Variants in SEPTIN9 observed in about 807,000 individuals in gnomAD.
The protein encoded by SEPTIN9 is septin 9.
SEPTIN9 carries 13 observed loss-of-function variants against 56.6 expected under a neutral mutation model. That is an observed-to-expected ratio of 0.23 (90% CI 0.15 to 0.37). The LOEUF is 0.37. Among genes scored for constraint, SEPTIN9 ranks in the 10% least tolerant of loss-of-function variants. SEPTIN9 has a pLI of 1.00. For synonymous variants in SEPTIN9, 332 were observed against 334.1 expected (o/e 0.99, Z 0.07); for missense variants, 650 against 823.1 (o/e 0.79, Z 2.57).
intron 11 of SEPTIN9, chr17:77,497,708 C>G (rs2143477527): frequency 2.3e-6 from 1 of 425,920 alleles, no homozygotes; most frequent in South Asian, 2.3e-5. Context: ...CGTGGGGCGT[C>G]TCCAGCTCCG....
At chr17:77,362,429 T>C (rs1598255087) in intron 2 of SEPTIN9, among the ~76,000 whole-genome samples, 1 of 152,272 alleles carries the variant, frequency 6.6e-6, no homozygotes, top group South Asian at 2.1e-4. Flanking sequence ...GCAGGACTGC[T>C]GGGGCAAGGG....
chr17:77,490,693 C>T (rs116189645), intron 7 of SEPTIN9, 49 bp from the exon 8 acceptor site: 2 of 1,409,698 alleles, frequency 1.4e-6, no homozygotes, highest in African/African-American at 2.8e-5. Flanking sequence ...GGTGCCCCCC[C>T]ACTGCCCCGC....
rs1034265396 is a variant in SEPTIN9, at chr17:77,481,946, T to C, written c.722-198T>C. ...CTGGGGAGGCAGCGTGGCTGCAGGA[T>C]GGCAGCTTTTTAGAGGACACCACGG... On this transcript the variant is annotated intron_variant, in intron 3 of 11. Transcript: ENST00000427177. 5.0e-5 allele frequency: 30 copies of C among 600,450 alleles called. No individual in the cohort carries two copies. The Admixed American group carries it at 8.6e-4, about 17-fold the overall frequency. 37.2% of individuals were successfully genotyped at this position (600,450 alleles called of 1,614,324 possible). A position where few individuals can be genotyped will look rare whatever the true frequency, so the allele number is the denominator to read the frequency against.
At position 77,382,824 on chromosome 17, in the gene SEPTIN9, GGCAAAGGCGAGGGAGGAGGGTGGAA is replaced by G. The variant is rs1456701722; in HGVS notation, c.77-19225_77-19201del. The stretch of plus-strand genomic sequence containing the variant: ...TACTGTGCAGAGGGAGGAGGGTGGA[GGCAAAGGCGAGGGAGGAGGGTGGAA>G]GCAAAGGCGGGGTCCCTCCCTAGCC... On this transcript the variant is annotated intron_variant, in intron 2 of 11. Coordinates refer to ENST00000427177, the MANE Select transcript of SEPTIN9 (RefSeq NM_001113491.2). Among the ~76,000 whole-genome samples, 5 of 152,228 alleles carry G rather than the reference GGCAAAGGCGAGGGAGGAGGGTGGAA, an allele frequency of 3.3e-5. No homozygotes were observed. In the East Asian group the frequency reaches 5.8e-4, roughly 18 times the overall value.
At position 77,450,510 on chromosome 17, in the gene SEPTIN9, C is replaced by T. The variant is rs1437051762; in HGVS notation, c.722-31634C>T. On this transcript the variant is annotated intron_variant, in intron 3 of 11. Coordinates refer to ENST00000427177, the MANE Select transcript of SEPTIN9 (RefSeq NM_001113491.2). The surrounding 1 kb of genome is among the most constrained non-coding windows in gnomAD (Gnocchi z 6.0). The stretch of plus-strand genomic sequence containing the variant: ...CTCTCTCCTAGTGTGGGAGTGGCCA[C>T]GCCCCTGCTGGGAGTGACTCACTTG... 2.3e-5 allele frequency: 23 copies of T among 985,348 alleles called. No homozygotes were observed. The highest frequency in any genetic ancestry group is 7.0e-5 in the African/African-American group (4 of 57,226). 61.0% of individuals were successfully genotyped at this position (985,348 alleles called of 1,614,324 possible).
chr17:77,494,566 G>A (rs999244524), intron 10 of SEPTIN9, among the ~76,000 whole-genome samples: 1 of 152,166 alleles, frequency 6.6e-6, no homozygotes, highest in African/African-American at 2.4e-5. Flanking sequence ...GAGCTTTTTG[G>A]GAAGCTGTTG....
In SEPTIN9 at chr17:77,347,560, G is replaced by A. The variant is rs544166586; in HGVS notation, c.76+40363G>A. Reference sequence around the variant, plus strand: ...CATGATGAATGTATTCCTTTATCTCGTAATAATTTTATCTTGGACTCAACT... The same window carrying A: ...CATGATGAATGTATTCCTTTATCTCATAATAATTTTATCTTGGACTCAACT... On this transcript the variant is annotated intron_variant, in intron 2 of 11. Transcript: ENST00000427177. Among the ~76,000 whole-genome samples the A allele has an allele frequency of 7.9e-5, 12 of 151,640 alleles. No homozygotes were observed. In the South Asian group the frequency reaches 2.1e-3, roughly 27 times the overall value.
At chr17:77,472,093 G>T (rs1598428351) in intron 3 of SEPTIN9, among the ~76,000 whole-genome samples, 1 of 152,284 alleles carries the variant, frequency 6.6e-6, no homozygotes, top group East Asian at 1.9e-4. Flanking sequence ...GCTTGCTCTG[G>T]CCCAAGATTG....
At chr17:77,285,176 C>A (rs1444165105) in intron 1 of SEPTIN9, among the ~76,000 whole-genome samples, 1 of 152,078 alleles carries the variant, frequency 6.6e-6, no homozygotes, top group Non-Finnish European at 1.5e-5. Context: ...AGCACTGGAG[C>A]CAGCTGCACT....
Position 77,475,698 on chromosome 17 carries a change from G to T in SEPTIN9, c.722-6446G>T. ...GGCCCACGCTGGGCCGGGGTGGATG[G>T]AGGCAAGGAAGTCTTCGCCGGGGCA... is the stretch of plus-strand genomic sequence containing the variant. On this transcript the variant is annotated intron_variant, in intron 3 of 11. Transcript: ENST00000427177. The surrounding 1 kb of genome is among the most constrained non-coding windows in gnomAD (Gnocchi z 4.6). The T allele has an allele frequency of 6.2e-7, 1 of 1,613,584 alleles. No homozygotes were observed. The highest frequency in any genetic ancestry group is 8.5e-7 in the Non-Finnish European group (1 of 1,179,876).
rs1167031130 is a variant in SEPTIN9 at position 77,475,882 on chromosome 17, A to C, written c.722-6262A>C. On this transcript the variant is annotated intron_variant, in intron 3 of 11. Transcript: ENST00000427177. The surrounding 1 kb of genome is among the most constrained non-coding windows in gnomAD (Gnocchi z 4.6). ...GGATGACCTTGCATTCTGCTTGGCCACCATTGGCAGTGACAGACAAGGTGT... is the reference window on the plus strand; with the variant it reads ...GGATGACCTTGCATTCTGCTTGGCCCCCATTGGCAGTGACAGACAAGGTGT... 2 of 1,611,888 alleles carry C rather than the reference A, an allele frequency of 1.2e-6. No individual in the cohort carries two copies. Among genetic ancestry groups the C allele is most frequent in the Admixed American group, 3.3e-5 (2 of 59,992 alleles).
chr17:77,461,521 C>T (rs2038472919), intron 3 of SEPTIN9, among the ~76,000 whole-genome samples: 1 of 152,150 alleles, frequency 6.6e-6, no homozygotes, highest in Non-Finnish European at 1.5e-5. Flanking sequence ...ACGACGCTGT[C>T]CCTGCTCTTG....
intron 3 of SEPTIN9, among the ~76,000 whole-genome samples, chr17:77,438,008 A>C (rs2037409810): frequency 6.6e-6 from 1 of 152,222 alleles, no homozygotes; most frequent in East Asian, 1.9e-4. Flanking sequence ...ATGGGTGAGC[A>C]GCCCACGACA....
At position 77,451,007 on chromosome 17, in the gene SEPTIN9, G is replaced by A. The variant is rs115879938; in HGVS notation, c.722-31137G>A. The A allele has an allele frequency of 8.7e-3, 1,440 of 165,930 alleles. 23 individuals are homozygous for A. Among genetic ancestry groups the A allele is most frequent in the South Asian group, 0.054 (274 of 5,082 alleles). The allele number at this position is 165,930 out of a possible 1,614,324, so 10.3% of individuals were successfully genotyped here. A position where few individuals can be genotyped will look rare whatever the true frequency, so the allele number is the denominator to read the frequency against. On this transcript the variant is annotated intron_variant, in intron 3 of 11. Transcript: ENST00000427177. The surrounding 1 kb of genome is among the most constrained non-coding windows in gnomAD (Gnocchi z 4.2). ...GGTGGGGGAGCACCTAGGAAGCAGG[G>A]GTGTCAGGCAGAGCACAAGGAGAGA...
At chr17:77,332,017 T>C (rs1303992820) in intron 2 of SEPTIN9, among the ~76,000 whole-genome samples, 1 of 152,228 alleles carries the variant, frequency 6.6e-6, no homozygotes, top group African/African-American at 2.4e-5. Context: ...GGCTCATGAC[T>C]GTAATCCCAG....
In SEPTIN9 at chr17:77,450,863, G is replaced by A. The variant is rs553682761; in HGVS notation, c.722-31281G>A. The A allele has an allele frequency of 2.2e-5, 21 of 956,496 alleles. No homozygotes were observed. In the East Asian group the frequency reaches 1.8e-3, roughly 84 times the overall value. 59.3% of individuals were successfully genotyped at this position (956,496 alleles called of 1,614,324 possible). A position where few individuals can be genotyped will look rare whatever the true frequency, so the allele number is the denominator to read the frequency against. ...CATGGTCCCAGCCAGCAAGCACCTG[G>A]GGTAGAGGGGACAAACCCAGGTGGC... On this transcript the variant is annotated intron_variant, in intron 3 of 11. Transcript: ENST00000427177. The surrounding 1 kb of genome is among the most constrained non-coding windows in gnomAD (Gnocchi z 6.0).
chr17:77,452,334 C>T (rs1375886515), intron 3 of SEPTIN9, among the ~76,000 whole-genome samples: 4 of 152,220 alleles, frequency 2.6e-5, no homozygotes, highest in Admixed American at 1.3e-4. Flanking sequence ...GGCCTCAAAG[C>T]AGGGAGGGGC....
chr17:77,351,621 G>A (rs1018449545), intron 2 of SEPTIN9, among the ~76,000 whole-genome samples: 19 of 152,240 alleles, frequency 1.2e-4, no homozygotes, highest in African/African-American at 3.9e-4. Flanking sequence ...GCCCTTGGAG[G>A]CCCTGCCCCT....
At chr17:77,493,125 T>G in intron 10 of SEPTIN9, 49 bp downstream of exon 10, 11 of 1,410,826 alleles carry the variant, frequency 7.8e-6, no homozygotes, top group African/African-American at 1.4e-5. Flanking sequence ...AGACAGTCTC[T>G]TCTGCTGACC....
Sources: gnomAD v4.1 joint callset for allele counts (sites outside exome capture counted in the v4.1 genomes callset) on GRCh38, gnomAD v4.1.1 for gene constraint, Gnocchi (gnomAD v3.1) non-coding constraint, MANE v1.5 for transcripts, NCBI Gene and HGNC (gene_info 2026-07-23, HGNC 2026-07-21) for gene names.